Variants in MED15 observed in about 807,000 individuals in gnomAD.
The protein encoded by MED15 is mediator complex subunit 15, also known as mediator of RNA polymerase II transcription subunit 15.
MED15 carries 41 observed loss-of-function variants against 118.7 expected under a neutral mutation model. The ratio of observed to expected loss-of-function variants is 0.35; its 90% confidence interval spans 0.27 to 0.45. The LOEUF is 0.45. Ranked by LOEUF, MED15 falls within the 20% of genes least tolerant of loss-of-function variation. MED15 has a pLI of 1.00. For synonymous variants in MED15, 436 were observed against 413.9 expected (o/e 1.05, Z -0.65); for missense variants, 740 against 1,025.5 (o/e 0.72, Z 3.80).
At chr22:20,566,949 G>T in intron 7 of MED15, 132 bp downstream of exon 7, 1 of 1,472,468 alleles carries the variant, frequency 6.8e-7, no homozygotes, top group Non-Finnish European at 9.1e-7. Flanking sequence ...CCCACCCCTT[G>T]CCAGCCCTGC....
At chr22:20,531,811 C>G (rs2054873778) in intron 1 of MED15, among the ~76,000 whole-genome samples, 2 of 152,230 alleles carry the variant, frequency 1.3e-5, no homozygotes, top group Admixed American at 1.3e-4. Context: ...ACCAGAGATT[C>G]CTCCAGGAAG....
At chr22:20,575,782 A>G (rs1157011473) in intron 9 of MED15, among the ~76,000 whole-genome samples, 1 of 151,746 alleles carries the variant, frequency 6.6e-6, no homozygotes, top group Non-Finnish European at 1.5e-5. Flanking sequence ...AAAAAAACCT[A>G]AAAGTCAACT....
At chr22:20,510,665 G>A (rs1032429393) in intron 1 of MED15, among the ~76,000 whole-genome samples, 3 of 152,116 alleles carry the variant, frequency 2.0e-5, no homozygotes, top group Non-Finnish European at 4.4e-5. Flanking sequence ...GAAGCTGCCC[G>A]AATTCCTTCT....
chr22:20,523,609 A>G lies in MED15; in HGVS notation c.69-13508A>G, dbSNP rs2054534748. On this transcript the variant is annotated intron_variant, in intron 1 of 17. Transcript: ENST00000263205. ...ACCAAATACCACAGAGCCATGTGAG[A>G]TCAGCATTTGGGTTGGCAGATCTCC... 5.1e-6 allele frequency: 5 copies of G among 972,744 alleles called. No individual in the cohort carries two copies. The African/African-American group carries it at 8.8e-5, about 17-fold the overall frequency. 60.3% of individuals were successfully genotyped at this position (972,744 alleles called of 1,614,324 possible).
At chr22:20,529,057 C>T (rs1454446330) in intron 1 of MED15, among the ~76,000 whole-genome samples, 1 of 152,208 alleles carries the variant, frequency 6.6e-6, no homozygotes, top group East Asian at 1.9e-4. Context: ...ACTTAGGACT[C>T]TGGTTTCTTG....
intron 1 of MED15, among the ~76,000 whole-genome samples, chr22:20,527,181 A>T (rs1250959745): frequency 6.6e-6 from 1 of 151,998 alleles, no homozygotes. Flanking sequence ...CTCACTCCCT[A>T]CACTTCCTGT....
intron 5 of MED15, among the ~76,000 whole-genome samples, chr22:20,558,159 C>A (rs1181885595): frequency 2.6e-5 from 4 of 152,146 alleles, no homozygotes; most frequent in African/African-American, 9.7e-5. Flanking sequence ...CTTGTTACCA[C>A]CTTTGTCAGA....
At chr22:20,515,848 CA>C (rs1286223777) in intron 1 of MED15, among the ~76,000 whole-genome samples, 1 of 151,364 alleles carries the variant, frequency 6.6e-6, no homozygotes, top group Non-Finnish European at 1.5e-5. Context: ...ACTAAAAATA[CA>C]AAAATTAGCC....
intron 17 of MED15, 127 bp downstream of exon 17, chr22:20,585,953 C>T (rs2057123058): frequency 2.4e-6 from 2 of 829,726 alleles, no homozygotes; most frequent in South Asian, 3.2e-5. Flanking sequence ...AGGCCCCTCC[C>T]TCCCCTCTTC....
intron 14 of MED15, 28 bp from the exon 15 acceptor site, chr22:20,584,826 GC>G: frequency 1.2e-6 from 2 of 1,608,482 alleles, no homozygotes; most frequent in Admixed American, 1.7e-5. Flanking sequence ...CGGGTCCCGG[GC>G]TGCTGACCGT....
chr22:20,568,406 A>G (rs1363317446), intron 7 of MED15, 115 bp from the exon 8 acceptor site: 29 of 1,460,602 alleles, frequency 2.0e-5, no homozygotes, highest in Non-Finnish European at 2.1e-5. Flanking sequence ...TGAGGTCATG[A>G]AAGTCCCATT....
chr22:20,513,905 C>T (rs1326689954), intron 1 of MED15, among the ~76,000 whole-genome samples: 1 of 152,180 alleles, frequency 6.6e-6, no homozygotes, highest in East Asian at 1.9e-4. Flanking sequence ...GCTCTCTCCT[C>T]CAGGTTGGAG....
At chr22:20,529,726 A>G (rs777762739) in intron 1 of MED15, among the ~76,000 whole-genome samples, 19 of 152,082 alleles carry the variant, frequency 1.2e-4, no homozygotes, top group Admixed American at 5.9e-4. Context: ...CAGCCTCCCG[A>G]GTAGCTGGGA....
chr22:20,546,173 A>AGCAGCCCAGCTGTCCT (rs2055527824), intron 2 of MED15, among the ~76,000 whole-genome samples: 1 of 152,170 alleles, frequency 6.6e-6, no homozygotes, highest in Non-Finnish European at 1.5e-5. Context: ...CTGGTGAAGG[A>AGCAGCCCAGCTGTCCT]GCAGCCCAGC....
intron 2 of MED15, among the ~76,000 whole-genome samples, chr22:20,540,130 G>A (rs967747571): frequency 5.3e-5 from 8 of 151,956 alleles, no homozygotes; most frequent in African/African-American, 1.7e-4. Flanking sequence ...TAATCATCCC[G>A]GAGAGCAGGA....
At chr22:20,512,007 GA>G (rs1160251691) in intron 1 of MED15, among the ~76,000 whole-genome samples, 1 of 29,660 alleles carries the variant, frequency 3.4e-5, no homozygotes, top group Non-Finnish European at 5.6e-5. Flanking sequence ...TTTTTTTTTG[GA>G]GACAAGATCT....
intron 1 of MED15, chr22:20,522,881 G>T (rs879654166): frequency 6.6e-6 from 1 of 152,110 alleles, no homozygotes; most frequent in African/African-American, 2.4e-5. Flanking sequence ...AAGGAAGACT[G>T]TGGGATGAGA....
intron 1 of MED15, among the ~76,000 whole-genome samples, chr22:20,512,454 G>A (rs968326746): frequency 8.3e-4 from 126 of 152,044 alleles, no homozygotes; most frequent in African/African-American, 2.9e-3. Flanking sequence ...GTTGGTCACC[G>A]CCTCTGATAT....
chr22:20,522,079 ACT>A (rs776910598), intron 1 of MED15: 1 of 151,892 alleles, frequency 6.6e-6, no homozygotes, highest in Non-Finnish European at 1.5e-5. Flanking sequence ...GTTCCAGATA[ACT>A]CTTTTATTTT....
Sources: allele counts gnomAD v4.1 joint callset (sites outside exome capture counted in the v4.1 genomes callset), GRCh38; gene constraint gnomAD v4.1.1; transcripts MANE v1.5; gene names NCBI Gene and HGNC (gene_info 2026-07-23, HGNC 2026-07-21).